The following FRMD4A variants were observed in gnomAD, a reference collection of about 807,000 sequenced individuals.
FRMD4A encodes the protein FERM domain containing 4A.
A neutral mutation model predicts 129.1 loss-of-function variants in FRMD4A; 29 were observed. That is an observed-to-expected ratio of 0.22 (90% CI 0.17 to 0.31). The LOEUF is 0.31. Among genes scored for constraint, FRMD4A ranks in the 10% least tolerant of loss-of-function variants. FRMD4A has a pLI of 1.00. For synonymous variants in FRMD4A, 634 were observed against 571.6 expected (o/e 1.11, Z -1.56); for missense variants, 1,272 against 1,375.8 (o/e 0.92, Z 1.19).
chr10:13,774,488 C>CTA lies in FRMD4A; in HGVS notation c.384+8432_384+8433dup, dbSNP rs1438714581. Reference sequence around the variant, plus strand: ...GGAAGTGCAGGAATTACATGGAATTCTATACCCAGTGTGGAGACTGTTCCC... The same window carrying CTA: ...GGAAGTGCAGGAATTACATGGAATTCTATATACCCAGTGTGGAGACTGTTCCC... On this transcript the variant is annotated intron_variant, in intron 6 of 24. Transcript: ENST00000357447. Among the ~76,000 whole-genome samples the CTA allele has an allele frequency of 2.0e-5, 3 of 152,334 alleles. No individual in the cohort carries two copies. The South Asian group carries it at 6.2e-4, about 32-fold the overall frequency.
chr10:13,872,049 C>T (rs1430210188), intron 2 of FRMD4A, among the ~76,000 whole-genome samples: 1 of 152,254 alleles, frequency 6.6e-6, no homozygotes. Flanking sequence ...GCAATTCCTA[C>T]CTCGTAGAGT....
intron 2 of FRMD4A, among the ~76,000 whole-genome samples, chr10:13,998,008 G>A (rs1163136100): frequency 1.3e-5 from 2 of 152,166 alleles, no homozygotes; most frequent in African/African-American, 4.8e-5. Context: ...ACTATCAGCA[G>A]CATTTGAAAA....
At chr10:13,669,834 G>C (rs980442341) in intron 17 of FRMD4A, among the ~76,000 whole-genome samples, 3 of 152,112 alleles carry the variant, frequency 2.0e-5, no homozygotes, top group Non-Finnish European at 2.9e-5. Flanking sequence ...ATCTTCACCC[G>C]TGTTCAGTCC....
intron 15 of FRMD4A, among the ~76,000 whole-genome samples, chr10:13,679,957 C>T (rs1447140313): frequency 6.8e-6 from 1 of 147,122 alleles, no homozygotes; most frequent in Non-Finnish European, 1.5e-5. Context: ...ATCTGCTTTC[C>T]CACGTCCTCC....
At chr10:13,884,170 A>ACACGCACACT in intron 2 of FRMD4A, among the ~76,000 whole-genome samples, 1 of 61,034 alleles carries the variant, frequency 1.6e-5, no homozygotes, top group South Asian at 1.0e-3. Flanking sequence ...ACACACACTC[A>ACACGCACACT]CACACTCACA....
chr10:13,747,407 C>T (rs1027567847), intron 9 of FRMD4A, among the ~76,000 whole-genome samples: 24 of 151,232 alleles, frequency 1.6e-4, no homozygotes, highest in Non-Finnish European at 3.1e-4. Flanking sequence ...TGTGGTGGTG[C>T]GTGCCTGTAA....
intron 2 of FRMD4A, among the ~76,000 whole-genome samples, chr10:14,141,974 G>A (rs1051250435): frequency 1.3e-5 from 2 of 152,128 alleles, no homozygotes; most frequent in Non-Finnish European, 2.9e-5. Flanking sequence ...CCGAAAATGT[G>A]TATTTGCTCT....
chr10:14,197,509 C>T (rs779671059), intron 2 of FRMD4A, among the ~76,000 whole-genome samples: 11 of 152,136 alleles, frequency 7.2e-5, no homozygotes, highest in African/African-American at 2.2e-4. Context: ...TACAGGCGTC[C>T]GCCATCAGGC....
At chr10:14,307,996 C>G (rs929796831) in intron 2 of FRMD4A, among the ~76,000 whole-genome samples, 1 of 152,112 alleles carries the variant, frequency 6.6e-6, no homozygotes, top group Non-Finnish European at 1.5e-5. Context: ...AAAATCTGTG[C>G]GGCAAATATG....
At chr10:13,783,804 A>G (rs1393927499) in intron 5 of FRMD4A, among the ~76,000 whole-genome samples, 1 of 152,202 alleles carries the variant, frequency 6.6e-6, no homozygotes, top group African/African-American at 2.4e-5. Flanking sequence ...TAACACTGTG[A>G]TATGAATGCA....
chr10:13,817,949 A>G (rs1274502611), intron 3 of FRMD4A, among the ~76,000 whole-genome samples: 1 of 152,220 alleles, frequency 6.6e-6, no homozygotes, highest in African/African-American at 2.4e-5. Context: ...ATTCCACAGT[A>G]TACTATACTA....
At chr10:14,273,938 C>T (rs1430847738) in intron 2 of FRMD4A, among the ~76,000 whole-genome samples, 3 of 152,196 alleles carry the variant, frequency 2.0e-5, no homozygotes, top group Admixed American at 2.0e-4. Flanking sequence ...AAGAATAAAA[C>T]ATCAACCCTG....
chr10:13,850,691 T>C (rs959424181), intron 3 of FRMD4A, among the ~76,000 whole-genome samples: 1 of 152,206 alleles, frequency 6.6e-6, no homozygotes, highest in African/African-American at 2.4e-5. Context: ...AGGTGAACTA[T>C]TAATAGATCA....
chr10:14,211,014 A>G (rs1842919877), intron 2 of FRMD4A, among the ~76,000 whole-genome samples: 3 of 152,192 alleles, frequency 2.0e-5, no homozygotes, highest in Admixed American at 2.0e-4. Flanking sequence ...GGTGTGAGCC[A>G]CCGTGCTCAG....
intron 2 of FRMD4A, among the ~76,000 whole-genome samples, chr10:13,952,787 A>G (rs1267553258): frequency 6.6e-6 from 1 of 152,130 alleles, no homozygotes; most frequent in Admixed American, 6.5e-5. Flanking sequence ...TCTGCCTTCC[A>G]GGTTCAAGTG....
At chr10:14,080,341 C>T (rs1311833536) in intron 2 of FRMD4A, among the ~76,000 whole-genome samples, 3 of 152,126 alleles carry the variant, frequency 2.0e-5, no homozygotes, top group Non-Finnish European at 2.9e-5. Flanking sequence ...TCTATATCCC[C>T]GCTTCTTCTC....
chr10:13,908,275 A>C (rs2094904708), intron 2 of FRMD4A, among the ~76,000 whole-genome samples: 1 of 151,842 alleles, frequency 6.6e-6, no homozygotes, highest in South Asian at 2.1e-4. Context: ...CAAGAGAGAG[A>C]GAGCTTGCTA....
intron 13 of FRMD4A, among the ~76,000 whole-genome samples, chr10:13,704,801 T>C (rs760878030): frequency 3.3e-5 from 5 of 151,834 alleles, no homozygotes; most frequent in Non-Finnish European, 7.4e-5. Flanking sequence ...TTCCAGGCAG[T>C]GGCTCACGCC....
At chr10:13,805,862 A>AT (rs11339023) in intron 4 of FRMD4A, among the ~76,000 whole-genome samples, 2,343 of 145,654 alleles carry the variant, frequency 0.016, 44 homozygotes, top group African/African-American at 0.044. Context: ...CTAATTTTTA[A>AT]TTTTTTTTTT....
Sources: gnomAD v4.1 joint callset for allele counts (sites outside exome capture counted in the v4.1 genomes callset) on GRCh38, gnomAD v4.1.1 for gene constraint, MANE v1.5 for transcripts, NCBI Gene and HGNC (gene_info 2026-07-23, HGNC 2026-07-21) for gene names.